The following XRN1 variants were observed in gnomAD, a reference collection of about 807,000 sequenced individuals.
XRN1 encodes 5'-3' exoribonuclease 1.
Under a neutral mutation model 222.3 loss-of-function variants are expected in XRN1, and 67 were observed. The ratio of observed to expected loss-of-function variants is 0.30; its 90% CI spans 0.25 to 0.37. The LOEUF (loss-of-function observed/expected upper bound fraction) is 0.37. XRN1 is among the 10% of genes least tolerant of loss of function. The pLI is 1.00. For missense variants in XRN1, 1,707 were observed against 2,000.2 expected, an observed-to-expected ratio of 0.85 and a Z score of 2.80; for synonymous variants, 643 against 652.4, an observed-to-expected ratio of 0.99 and a Z score of 0.22.
chr3:142,389,363 T>C (rs775435846), intron 20 of XRN1, among the ~76,000 whole-genome samples: 1 of 152,190 alleles, frequency 6.6e-6, no homozygotes, highest in African/African-American at 2.4e-5. Context: ...TCCACTGAAG[T>C]TTTGAACCTC....
rs1289555842 is a variant in XRN1 at position 142,384,664 on chromosome 3, T to C, written c.2361A>G (p.Ile787Met). 1.3e-6 allele frequency: 2 copies of C among 1,595,208 alleles called. No individual in the cohort carries two copies. Among genetic ancestry groups the C allele is most frequent in the East Asian group, 4.5e-5 (2 of 44,222 alleles). The change falls in exon 21 of 41, where the codon ATA (isoleucine) becomes ATG (methionine). Residue 787 changes from isoleucine (I) to methionine (M), a missense_variant. By Grantham distance (10) the Ile-to-Met change is conservative. Transcript: ENST00000392981. ...ISEHYLRRKG[I>M]IINETSAVVY... Reference sequence around the variant, plus strand: ...CAACTGCAGATGTTTCATTTATTATTATTCCTTTTCTTCTCAGGTAGCTAA... The same window carrying C: ...CAACTGCAGATGTTTCATTTATTATCATTCCTTTTCTTCTCAGGTAGCTAA...
In XRN1 at chr3:142,370,615, T is replaced by C. The variant is rs147141467; in HGVS notation, c.3074A>G (p.Glu1025Gly). ...CCAAGTAATAATTTCTTGAACTTTT[T>C]CAGCACTAAAGCAAAAACAATAATT... ...IWPGENENGA[E>G]KVQEIITWLK... is the part of the protein sequence containing the mutation. The change falls in exon 27 of 41, where the codon GAA becomes GGA. Residue 1025 changes from glutamate to glycine, a missense_variant. Coordinates refer to ENST00000392981, the MANE Select transcript of XRN1 (RefSeq NM_001282857.2). 58 of 1,579,808 alleles carry C rather than the reference T, an allele frequency of 3.7e-5. No homozygotes were observed. Among genetic ancestry groups the C allele is most frequent in the Non-Finnish European group, 4.5e-5 (53 of 1,169,096 alleles).
intron 39 of XRN1, 81 bp from the exon 40 acceptor site, chr3:142,312,839 C>G (rs557079355): frequency 1.4e-6 from 2 of 1,428,158 alleles, no homozygotes; most frequent in African/African-American, 1.4e-5. Flanking sequence ...CTTCTGCTAG[C>G]CTTTTTGGGC....
intron 1 of XRN1, among the ~76,000 whole-genome samples, chr3:142,446,071 G>A (rs576856655): frequency 2.6e-4 from 39 of 152,250 alleles, no homozygotes; most frequent in African/African-American, 8.9e-4. Flanking sequence ...CATGTCACAT[G>A]GTTTGTTGTA....
At position 142,404,977 on chromosome 3, in the gene XRN1, T is replaced by C; in HGVS notation, c.1813A>G (p.Arg605Gly). The C allele has an allele frequency of 6.2e-7, 1 of 1,614,070 alleles. No homozygotes were observed. Among genetic ancestry groups the C allele is most frequent in the Non-Finnish European group, 8.5e-7 (1 of 1,179,938 alleles). Residue 605 changes from arginine to glycine, a missense_variant, in exon 16 of 41, where the codon AGA becomes GGA. By Grantham distance (125) the Arg-to-Gly change is moderately radical. Around this residue, in one of 2 missense-constraint regions of XRN1, gnomAD observed 1,234 missense variants for 1,518.2 expected, o/e 0.81. Transcript: ENST00000392981. ...GAAGGATAGATAAACTCTGTGTCTCTATCATACCAGCACATTAGGCACTCA... is the reference window on the plus strand; with the variant it reads ...GAAGGATAGATAAACTCTGTGTCTCCATCATACCAGCACATTAGGCACTCA... ...HSECLMCWYDRDTEFIYPSPW... is the reference protein window; with the variant it reads ...HSECLMCWYDGDTEFIYPSPW...
chr3:142,357,243 G>A, intron 30 of XRN1, 124 bp from the exon 31 acceptor site: 1 of 856,246 alleles, frequency 1.2e-6, no homozygotes, highest in South Asian at 1.7e-5. Context: ...TTTTAATTCG[G>A]TAGAGGAACC....
chr3:142,431,926 TA>T (rs1386736400), intron 2 of XRN1, among the ~76,000 whole-genome samples: 81 of 79,398 alleles, frequency 1.0e-3, no homozygotes, highest in Middle Eastern at 4.8e-3. Context: ...ATATATAATA[TA>T]ATATATTGTA....
intron 13 of XRN1, among the ~76,000 whole-genome samples, chr3:142,414,721 T>C (rs1185379565): frequency 6.6e-6 from 1 of 152,130 alleles, no homozygotes; most frequent in Non-Finnish European, 1.5e-5. Context: ...GGTCTCAATC[T>C]CCTGATCTCG....
intron 19 of XRN1, 105 bp from the exon 20 acceptor site, chr3:142,397,565 T>C (rs2067976803): frequency 1.1e-6 from 1 of 905,462 alleles, no homozygotes; most frequent in Non-Finnish European, 1.5e-6. Context: ...CATGGTATAC[T>C]AGCAAAAAAC....
chr3:142,381,389 A>G (rs140845114), intron 22 of XRN1, among the ~76,000 whole-genome samples: 1 of 152,206 alleles, frequency 6.6e-6, no homozygotes, highest in African/African-American at 2.4e-5. Flanking sequence ...CTATATTCCA[A>G]TTTTGTCAGT....
At position 142,412,617 on chromosome 3, in the gene XRN1, G is replaced by A; in HGVS notation, c.1640C>T (p.Pro547Leu). The A allele has an allele frequency of 1.2e-6, 2 of 1,606,572 alleles. No individual in the cohort carries two copies. Among genetic ancestry groups the A allele is most frequent in the Non-Finnish European group, 1.7e-6 (2 of 1,175,038 alleles). ...EDSPIIEYYP[P>L]DFKTDLNGKQ... ...CCCATTTAGGTCAGTTTTAAAATCA[G>A]GTGGGTAATATTCTATAATTGGTGA... Residue 547 changes from proline to leucine, a missense_variant, in exon 15 of 41, where the codon CCT (proline) becomes CTT (leucine). Pro to Leu is a moderately conservative substitution (Grantham distance 98, BLOSUM62 -3). Transcript: ENST00000392981.
chr3:142,383,504 G>T, intron 21 of XRN1, 91 bp from the exon 22 acceptor site: 1 of 1,073,626 alleles, frequency 9.3e-7, no homozygotes, highest in Non-Finnish European at 1.3e-6. Context: ...TATGCTGTTT[G>T]CAAATGTCAA....
chr3:142,330,604 T>C (rs1424728021), intron 36 of XRN1, among the ~76,000 whole-genome samples: 2 of 151,992 alleles, frequency 1.3e-5, no homozygotes, highest in South Asian at 4.2e-4. Flanking sequence ...TTTTTTTTTT[T>C]TTTTTTCCTA....
chr3:142,332,660 T>TATC, intron 35 of XRN1, 126 bp from the exon 36 acceptor site: 1 of 934,242 alleles, frequency 1.1e-6, no homozygotes, highest in Non-Finnish European at 1.5e-6. Context: ...ATTAACTACA[T>TATC]TCAGATAGAA....
At chr3:142,362,586 T>TA (rs2066678346) in intron 29 of XRN1, among the ~76,000 whole-genome samples, 2 of 41,962 alleles carry the variant, frequency 4.8e-5, no homozygotes. Flanking sequence ...TCGTCCCCCC[T>TA]ACCCCCGCCC....
chr3:142,379,576 A>G (rs2067241394), intron 23 of XRN1, among the ~76,000 whole-genome samples: 1 of 152,240 alleles, frequency 6.6e-6, no homozygotes, highest in Non-Finnish European at 1.5e-5. Flanking sequence ...CTCTATTTTA[A>G]CAAGAGAAAA....
chr3:142,362,052 T>C (rs1316692636), intron 29 of XRN1, among the ~76,000 whole-genome samples: 1 of 134,644 alleles, frequency 7.4e-6, no homozygotes, highest in African/African-American at 2.8e-5. Context: ...CAGTGCAACC[T>C]CCACCTCCTG....
chr3:142,325,878 A>C (rs1452453214), intron 37 of XRN1, among the ~76,000 whole-genome samples: 1 of 152,078 alleles, frequency 6.6e-6, no homozygotes, highest in African/African-American at 2.4e-5. Context: ...TCATTCCCTT[A>C]AATATGGATA....
chr3:142,431,860 ATATAATATATTATATTATATATAT>A (rs2069552375), intron 2 of XRN1, among the ~76,000 whole-genome samples: 1 of 33,738 alleles, frequency 3.0e-5, no homozygotes, highest in African/African-American at 3.0e-4. Flanking sequence ...TATATATTAT[ATATAATATATTATATTATATATAT>A]TATATATAAT....
Sources: gnomAD v4.1 joint callset for allele counts (sites outside exome capture counted in the v4.1 genomes callset) on GRCh38, gnomAD v4.1.1 for gene constraint, gnomAD v4.1.1 regional missense constraint, MANE v1.5 for transcripts, NCBI Gene and HGNC (gene_info 2026-07-23, HGNC 2026-07-21) for gene names.